Variants in TLK1 observed in about 807,000 individuals in gnomAD.
TLK1 encodes the protein serine/threonine-protein kinase tousled-like 1.
A neutral mutation model predicts 105.3 loss-of-function variants in TLK1; 24 were observed. That is an observed-to-expected ratio of 0.23 (90% CI 0.17 to 0.32). The LOEUF is 0.32. TLK1 is among the 10% of genes least tolerant of loss of function. TLK1 has a pLI of 1.00. For synonymous variants in TLK1, 321 were observed against 310.4 expected (o/e 1.03, Z -0.36); for missense variants, 558 against 910.5 (o/e 0.61, Z 4.98).
intron 1 of TLK1, among the ~76,000 whole-genome samples, chr2:171,209,775 A>G (rs1693577428): frequency 6.6e-6 from 1 of 152,230 alleles, no homozygotes; most frequent in Non-Finnish European, 1.5e-5. Flanking sequence ...GAAGACAGAG[A>G]GAAAACGGTC....
intron 11 of TLK1, among the ~76,000 whole-genome samples, chr2:171,042,138 C>T (rs1252939551): frequency 5.9e-5 from 9 of 152,254 alleles, no homozygotes; most frequent in African/African-American, 2.2e-4. Context: ...GACTATTAGA[C>T]TATAATTAAA....
At chr2:171,034,472 A>T (rs1445495211) in intron 11 of TLK1, among the ~76,000 whole-genome samples, 2 of 152,246 alleles carry the variant, frequency 1.3e-5, no homozygotes, top group African/African-American at 4.8e-5. Context: ...ATACTAAGTA[A>T]AAGCCAGACA....
intron 11 of TLK1, among the ~76,000 whole-genome samples, chr2:171,030,472 TGAGA>T (rs914253542): frequency 1.6e-4 from 24 of 152,084 alleles, no homozygotes; most frequent in African/African-American, 5.8e-4. Flanking sequence ...GTAGATGAAG[TGAGA>T]GAGGGAGGAG....
chr2:171,200,019 G>A lies in TLK1; in HGVS notation c.-6+31126C>T, dbSNP rs562812806. ...AAGAATTCCCTTTTCTGGAAAACAG[G>A]GAACCTCTAGCATAAATGTGAGAGA... On this transcript the variant is annotated intron_variant, in intron 1 of 20. Transcript: ENST00000521943. Among the ~76,000 whole-genome samples, 4 of 152,216 alleles carry A rather than the reference G, an allele frequency of 2.6e-5. No individual in the cohort carries two copies. The South Asian group carries it at 8.3e-4, about 32-fold the overall frequency.
chr2:171,039,329 GCACATGGCT>G (rs771245554), intron 11 of TLK1, among the ~76,000 whole-genome samples: 1 of 152,098 alleles, frequency 6.6e-6, no homozygotes, highest in Non-Finnish European at 1.5e-5. Flanking sequence ...GCAATGGCAC[GCACATGGCT>G]CACTGCAGCC....
At position 171,006,233 on chromosome 2, in the gene TLK1, A is replaced by G; in HGVS notation, c.1818T>C (p.Thr606=). Reference sequence around the variant, plus strand: ...CCATAATCTTGGACAGACCAAAATCAGTGATTTTGATTTCACCACATGCTG... The same window carrying G: ...CCATAATCTTGGACAGACCAAAATCGGTGATTTTGATTTCACCACATGCTG... The part of the protein sequence containing the change: ...DGTACGEIKI[T]DFGLSKIMDD... Residue 606 remains threonine, a synonymous_variant, in exon 18 of 21, where the codon ACT becomes ACC. Coordinates refer to ENST00000431350, the MANE Select transcript of TLK1 (RefSeq NM_012290.5). The G allele has an allele frequency of 6.2e-7, 1 of 1,610,520 alleles. No homozygotes were observed. The highest frequency in any genetic ancestry group is 8.5e-7 in the Non-Finnish European group (1 of 1,178,716).
intron 1 of TLK1, among the ~76,000 whole-genome samples, chr2:171,130,205 C>A (rs538918998): frequency 6.6e-6 from 1 of 152,156 alleles, no homozygotes; most frequent in South Asian, 2.1e-4. Context: ...GGTTCAAGAC[C>A]AACCTGGCCA....
intron 1 of TLK1, among the ~76,000 whole-genome samples, chr2:171,159,031 T>A (rs1299018271): frequency 6.6e-6 from 1 of 152,256 alleles, no homozygotes; most frequent in African/African-American, 2.4e-5. Flanking sequence ...AAGAATGCTA[T>A]GCCTGAACCA....
chr2:171,140,249 C>T (rs927892253), intron 1 of TLK1, among the ~76,000 whole-genome samples: 2 of 152,184 alleles, frequency 1.3e-5, no homozygotes, highest in Non-Finnish European at 2.9e-5. Flanking sequence ...CAAGGACTTT[C>T]TCCTTCCAGT....
At position 171,227,568 on chromosome 2, in the gene TLK1, C is replaced by CTTTTTTTTTTTTT. The variant is rs71401413; in HGVS notation, c.-6+3564_-6+3576dup. Among the ~76,000 whole-genome samples, 63 of 55,520 alleles carry CTTTTTTTTTTTTT rather than the reference C, an allele frequency of 1.1e-3. 2 individuals are homozygous for CTTTTTTTTTTTTT. Among genetic ancestry groups the CTTTTTTTTTTTTT allele is most frequent in the South Asian group, 3.4e-3 (4 of 1,188 alleles). 36.4% of individuals were successfully genotyped at this position (55,520 alleles called of 152,430 possible). A position where few individuals can be genotyped will look rare whatever the true frequency, so the allele number is the denominator to read the frequency against. ...AGTTAGTCATGAGTTAGTAAATCTC[C>CTTTTTTTTTTTTT]TTTTTTTTTTTTTTTTTTTTTTTTT... is the stretch of plus-strand genomic sequence containing the variant. On this transcript the variant is annotated intron_variant, in intron 1 of 20. Transcript: ENST00000521943.
intron 12 of TLK1, among the ~76,000 whole-genome samples, chr2:171,017,117 A>C (rs1039964192): frequency 1.3e-5 from 2 of 152,194 alleles, no homozygotes; most frequent in African/African-American, 4.8e-5. Context: ...TAAAGCTTTG[A>C]GACAAAAAAC....
intron 12 of TLK1, among the ~76,000 whole-genome samples, chr2:171,025,648 T>C (rs554200504): frequency 7.9e-5 from 12 of 152,326 alleles, no homozygotes; most frequent in African/African-American, 2.9e-4. Context: ...CATAGGGAGC[T>C]GATAAGACAG....
chr2:171,102,212 GATTCTA>G (rs1419152906), intron 2 of TLK1, among the ~76,000 whole-genome samples: 2 of 152,068 alleles, frequency 1.3e-5, no homozygotes, highest in African/African-American at 4.8e-5. Context: ...GTACGTACCA[GATTCTA>G]GTAAATCCTC....
intron 1 of TLK1, among the ~76,000 whole-genome samples, chr2:171,205,816 G>A (rs1693496202): frequency 6.6e-6 from 1 of 152,150 alleles, no homozygotes; most frequent in South Asian, 2.1e-4. Context: ...TATTTGAAAT[G>A]TCTAAAAATA....
chr2:171,018,140 C>G (rs1685296612), intron 12 of TLK1, among the ~76,000 whole-genome samples: 1 of 152,154 alleles, frequency 6.6e-6, no homozygotes, highest in Admixed American at 6.6e-5. Context: ...ATGGAGCCTT[C>G]ATGATGGGAT....
At chr2:171,017,509 CA>C (rs1559344751) in intron 12 of TLK1, among the ~76,000 whole-genome samples, 1 of 152,086 alleles carries the variant, frequency 6.6e-6, no homozygotes, top group East Asian at 1.9e-4. Flanking sequence ...TTTACTGAGT[CA>C]TAAATAAGTA....
At chr2:171,038,519 C>G (rs549871771) in intron 11 of TLK1, among the ~76,000 whole-genome samples, 2 of 152,180 alleles carry the variant, frequency 1.3e-5, no homozygotes, top group Non-Finnish European at 2.9e-5. Context: ...CTTTCACTAA[C>G]ATTCATTTCA....
intron 1 of TLK1, among the ~76,000 whole-genome samples, chr2:171,123,110 C>T (rs1690727198): frequency 6.7e-6 from 1 of 149,360 alleles, no homozygotes; most frequent in Non-Finnish European, 1.5e-5. Context: ...TAAAAGTTTG[C>T]TAATGAAAAG....
chr2:171,011,358 T>A lies in TLK1; in HGVS notation c.1416+15A>T, dbSNP rs774221226. 1 of 1,590,856 alleles carries A rather than the reference T, an allele frequency of 6.3e-7. No homozygotes were observed. Among genetic ancestry groups the A allele is most frequent in the Non-Finnish European group, 8.6e-7 (1 of 1,167,656 alleles). ...CTACATTAGTGTAAAAAAAACAGAA[T>A]AAAACATACATTACCTTATACACTT... On this transcript the variant is annotated intron_variant, in intron 14 of 20. Transcript: ENST00000431350.
Sources: gnomAD v4.1 joint callset for allele counts (sites outside exome capture counted in the v4.1 genomes callset) on GRCh38, gnomAD v4.1.1 for gene constraint, MANE v1.5 for transcripts, NCBI Gene and HGNC (gene_info 2026-07-23, HGNC 2026-07-21) for gene names.